PTK2: variants seen among roughly 807,000 people sequenced by gnomAD.
PTK2 encodes focal adhesion kinase 1.
In PTK2, 45 loss-of-function variants were observed where a neutral mutation model predicts 150.1. The observed-to-expected ratio is 0.30, with a 90% CI of 0.24 to 0.38. The LOEUF (loss-of-function observed/expected upper bound fraction) is 0.38, where lower values mean the gene tolerates loss of function less well. PTK2 is among the 10% of genes least tolerant of loss of function. PTK2 has a pLI of 1.00. For missense variants in PTK2, 919 were observed against 1,307.3 expected (o/e 0.70, Z 4.58); for synonymous variants, 432 against 449.2 (o/e 0.96, Z 0.48).
At chr8:140,899,762 A>G (rs2100157706) in intron 2 of PTK2, among the ~76,000 whole-genome samples, 1 of 152,208 alleles carries the variant, frequency 6.6e-6, no homozygotes, top group South Asian at 2.1e-4. Flanking sequence ...ATGATTAAGT[A>G]GGATTCATCC....
At chr8:140,744,729 A>G in exon 19 of PTK2, 1 of 1,608,312 alleles carries the variant, frequency 6.2e-7, no homozygotes, top group Non-Finnish European at 8.5e-7. Context: ...AAGATGCTAG[A>G]TCCAAACTGT....
intron 24 of PTK2, among the ~76,000 whole-genome samples, chr8:140,704,175 T>A (rs1259665271): frequency 6.6e-6 from 1 of 151,870 alleles, no homozygotes; most frequent in Non-Finnish European, 1.5e-5. Flanking sequence ...AACAAGGAGG[T>A]TTAAAATGGT....
chr8:140,977,241 T>C (rs1301803742), intron 1 of PTK2, among the ~76,000 whole-genome samples: 1 of 151,960 alleles, frequency 6.6e-6, no homozygotes, highest in Non-Finnish European at 1.5e-5. Context: ...AATTTAAAAA[T>C]TAGCCAGGTG....
rs559640789 is a variant in PTK2 at position 140,933,496 on chromosome 8, G to A, written c.-121-7747C>T. 2.6e-4 allele frequency among the ~76,000 whole-genome samples: 40 copies of A among 152,338 alleles called. 1 individual carries two copies. The South Asian group carries it at 3.1e-3, about 12-fold the overall frequency. On this transcript the variant is annotated intron_variant, in intron 1 of 31. Coordinates refer to ENST00000522684, the Ensembl canonical transcript of PTK2. Reference sequence around the variant, plus strand: ...GACAGAAAAATCAGGCAAGGTTTTGGAACGCTAAATCCTAGAGCATTAGTA... The same window carrying A: ...GACAGAAAAATCAGGCAAGGTTTTGAAACGCTAAATCCTAGAGCATTAGTA...
At chr8:140,662,692 T>C in intron 31 of PTK2, 1 of 564,968 alleles carries the variant, frequency 1.8e-6, no homozygotes, top group Non-Finnish European at 3.4e-6. Context: ...CCTTCAGAAG[T>C]CAATGTCCAG....
chr8:140,845,989 A>G (rs913006022), intron 7 of PTK2, among the ~76,000 whole-genome samples: 3 of 151,236 alleles, frequency 2.0e-5, no homozygotes, highest in Admixed American at 2.0e-4. Context: ...GTAGAATTCA[A>G]TATAAATTAG....
At chr8:140,821,144 G>A (rs543013842) in intron 8 of PTK2, 1 of 152,426 alleles carries the variant, frequency 6.6e-6, no homozygotes, top group Admixed American at 6.5e-5. Flanking sequence ...GTGAGAGGTT[G>A]AGGTAAGGCA....
intron 14 of PTK2, among the ~76,000 whole-genome samples, chr8:140,765,765 C>T (rs1231806090): frequency 6.6e-6 from 1 of 152,066 alleles, no homozygotes; most frequent in Non-Finnish European, 1.5e-5. Flanking sequence ...GATGGCTTAT[C>T]AAAACACCCT....
chr8:140,772,482 G>A (rs2100076065), intron 14 of PTK2, among the ~76,000 whole-genome samples: 3 of 152,210 alleles, frequency 2.0e-5, no homozygotes, highest in Admixed American at 2.0e-4. Context: ...TTCTGGACTG[G>A]AGGCTGGGGA....
rs568354606 is a variant in PTK2 at position 140,765,559 on chromosome 8, C to G, written c.1178-1269G>C. Among the ~76,000 whole-genome samples the G allele has an allele frequency of 2.0e-5, 3 of 152,150 alleles. No individual in the cohort carries two copies. The East Asian group carries it at 5.8e-4, about 29-fold the overall frequency. On this transcript the variant is annotated intron_variant, in intron 14 of 31. Transcript: ENST00000522684. ...GACAGTTATTATCTGTAAACTATTC[C>G]TAAGTCCTATATGACAGGCAGATAA...
chr8:140,676,709 C>T (rs902527293), intron 27 of PTK2, among the ~76,000 whole-genome samples: 2 of 132,430 alleles, frequency 1.5e-5, no homozygotes, highest in Non-Finnish European at 3.1e-5. Context: ...GGGTGGATCA[C>T]AAGGTCAGGA....
At position 140,679,003 on chromosome 8, in the gene PTK2, G is replaced by GTTTTTTTTTTT. The variant is rs533089786; in HGVS notation, c.2563-3515_2563-3505dup. The stretch of plus-strand genomic sequence containing the variant: ...TCACGGCCAGCTGAGTGCTCCCCAT[G>GTTTTTTTTTTT]TTTTTTTTTTTTTTTTTTTTTTTTT... On this transcript the variant is annotated intron_variant, in intron 27 of 31. Transcript: ENST00000522684. Among the ~76,000 whole-genome samples the GTTTTTTTTTTT allele has an allele frequency of 4.5e-4, 31 of 69,002 alleles. 6 individuals are homozygous for GTTTTTTTTTTT. The highest frequency in any genetic ancestry group is 2.8e-3 in the East Asian group (6 of 2,156). The allele number at this position is 69,002 out of a possible 152,430, so 45.3% of individuals were successfully genotyped here.
chr8:140,731,761 T>C (rs1333601773), intron 22 of PTK2, among the ~76,000 whole-genome samples: 3 of 151,972 alleles, frequency 2.0e-5, no homozygotes, highest in African/African-American at 4.8e-5. Flanking sequence ...CTGGGTGTGG[T>C]GGTGTGGTGT....
At chr8:140,801,776 C>T (rs2100095163) in intron 11 of PTK2, among the ~76,000 whole-genome samples, 1 of 152,106 alleles carries the variant, frequency 6.6e-6, no homozygotes, top group Non-Finnish European at 1.5e-5. Flanking sequence ...ACTCAGTTTA[C>T]AGTATATATA....
chr8:140,852,104 T>C (rs2100129650), intron 5 of PTK2, among the ~76,000 whole-genome samples: 1 of 152,154 alleles, frequency 6.6e-6, no homozygotes, highest in Admixed American at 6.5e-5. Flanking sequence ...GGCATTAGGA[T>C]TAAAAGTCAA....
At chr8:140,791,470 G>A (rs2100088373) in intron 13 of PTK2, among the ~76,000 whole-genome samples, 1 of 152,204 alleles carries the variant, frequency 6.6e-6, no homozygotes, top group Admixed American at 6.5e-5. Context: ...AGAGTGCACT[G>A]TCCAAAGCTA....
intron 26 of PTK2, among the ~76,000 whole-genome samples, chr8:140,694,633 G>A (rs376719085): frequency 1.6e-4 from 25 of 152,124 alleles, no homozygotes; most frequent in African/African-American, 5.8e-4. Flanking sequence ...GCCTGGCCTG[G>A]TGGTTGCAAG....
At chr8:140,987,550 T>C (rs2100193770) in intron 1 of PTK2, among the ~76,000 whole-genome samples, 2 of 152,218 alleles carry the variant, frequency 1.3e-5, no homozygotes, top group East Asian at 1.9e-4. Context: ...TATAAGAAGA[T>C]GCTCAACACT....
chr8:140,828,261 G>A (rs10088001), intron 8 of PTK2, among the ~76,000 whole-genome samples: 3,395 of 152,172 alleles, frequency 0.022, 131 homozygotes, highest in African/African-American at 0.078. Context: ...TCCACTTTGC[G>A]TGGTGAGAAA....
Sources: allele counts gnomAD v4.1 joint callset (sites outside exome capture counted in the v4.1 genomes callset), GRCh38; gene constraint gnomAD v4.1.1; transcripts MANE v1.5; gene names NCBI Gene and HGNC (gene_info 2026-07-23, HGNC 2026-07-21).